Variants in AGBL1 observed in about 807,000 individuals in gnomAD.
AGBL1 encodes AGBL carboxypeptidase 1.
AGBL1 carries 130 observed loss-of-function variants against 118.9 expected under a neutral mutation model. The observed-to-expected ratio is 1.09, with a 90% CI of 0.95 to 1.26. The LOEUF is 1.26. Ranked by LOEUF, AGBL1 falls within the 50% of genes most tolerant of loss-of-function variation. The pLI is 0.00. For synonymous variants in AGBL1, 555 were observed against 478.9 expected (o/e 1.16, Z -2.08); for missense variants, 1,584 against 1,298.1 (o/e 1.22, Z -3.38).
chr15:86,897,338 C>T (rs184333123), intron 22 of AGBL1, among the ~76,000 whole-genome samples: 23 of 152,200 alleles, frequency 1.5e-4, no homozygotes, highest in Middle Eastern at 3.4e-3. Context: ...ATCATTCAGT[C>T]TATTCTTATT....
intron 17 of AGBL1, among the ~76,000 whole-genome samples, chr15:86,304,628 C>A (rs2079809377): frequency 6.6e-6 from 1 of 152,152 alleles, no homozygotes; most frequent in South Asian, 2.1e-4. Context: ...TTGCTCCTAG[C>A]CACCATGTAG....
chr15:86,154,276 G>A (rs2077157862), intron 3 of AGBL1, among the ~76,000 whole-genome samples, 154 bp from the exon 4 acceptor site: 1 of 152,072 alleles, frequency 6.6e-6, no homozygotes, highest in Non-Finnish European at 1.5e-5. Flanking sequence ...TTCTAGTGGG[G>A]ACATATTTAG....
At chr15:86,320,427 GA>G (rs2080087259) in intron 17 of AGBL1, among the ~76,000 whole-genome samples, 1 of 151,598 alleles carries the variant, frequency 6.6e-6, no homozygotes, top group Non-Finnish European at 1.5e-5. Flanking sequence ...TACTGGTATA[GA>G]AAAATGTGAT....
At chr15:86,878,669 C>T (rs2079848429) in intron 22 of AGBL1, among the ~76,000 whole-genome samples, 9 of 152,216 alleles carry the variant, frequency 5.9e-5, no homozygotes, top group Admixed American at 4.6e-4. Context: ...GATCTGTCCT[C>T]TACTGGACTT....
At chr15:86,346,134 C>T (rs2080532954) in intron 17 of AGBL1, among the ~76,000 whole-genome samples, 1 of 151,678 alleles carries the variant, frequency 6.6e-6, no homozygotes, top group East Asian at 2.0e-4. Context: ...AGGCGTGTGC[C>T]ACCATACCCA....
At chr15:86,772,791 A>G (rs1007700467) in intron 22 of AGBL1, among the ~76,000 whole-genome samples, 2 of 152,124 alleles carry the variant, frequency 1.3e-5, no homozygotes, top group Non-Finnish European at 2.9e-5. Flanking sequence ...TGATACGTAC[A>G]ATAAGCTGAG....
intron 23 of AGBL1, among the ~76,000 whole-genome samples, chr15:86,929,234 T>C (rs1238697576): frequency 6.6e-6 from 1 of 152,228 alleles, no homozygotes; most frequent in East Asian, 1.9e-4. Context: ...CTGATGTAAA[T>C]AGCAATAGTA....
intron 1 of AGBL1, among the ~76,000 whole-genome samples, chr15:86,129,988 T>C (rs531597258): frequency 1.3e-5 from 2 of 152,240 alleles, no homozygotes; most frequent in East Asian, 3.9e-4. Context: ...TACTCCTTCT[T>C]GGGAAATATG....
At chr15:86,382,107 G>A (rs1411243828) in intron 17 of AGBL1, among the ~76,000 whole-genome samples, 1 of 152,130 alleles carries the variant, frequency 6.6e-6, no homozygotes, top group Non-Finnish European at 1.5e-5. Flanking sequence ...GAGTTGACTA[G>A]AAGGGTGGCA....
At chr15:86,415,853 A>T (rs1239102209) in intron 18 of AGBL1, among the ~76,000 whole-genome samples, 1 of 152,176 alleles carries the variant, frequency 6.6e-6, no homozygotes, top group African/African-American at 2.4e-5. Flanking sequence ...TGCTCTTATA[A>T]ATGTTATGAT....
chr15:87,023,046 A>G lies in AGBL1; in HGVS notation c.3324-5779A>G, dbSNP rs967718707. Among the ~76,000 whole-genome samples the G allele has an allele frequency of 3.9e-5, 6 of 152,188 alleles. No homozygotes were observed. The South Asian group carries it at 1.2e-3, about 31-fold the overall frequency. On this transcript the variant is annotated intron_variant, in intron 24 of 24. Transcript: ENST00000441037. ...TAAATCTCACAGGACCTATAAAATA[A>G]AAATACCATTTAAAAAATGAAGTCA...
At chr15:86,680,391 C>T (rs2142566533) in intron 22 of AGBL1, among the ~76,000 whole-genome samples, 1 of 151,970 alleles carries the variant, frequency 6.6e-6, no homozygotes, top group Non-Finnish European at 1.5e-5. Flanking sequence ...CTTCCCTTTA[C>T]CTAGGAATTC....
At chr15:86,295,550 T>C in intron 17 of AGBL1, 142 bp downstream of exon 17, 1 of 787,860 alleles carries the variant, frequency 1.3e-6, no homozygotes, top group Non-Finnish European at 1.9e-6. Context: ...CCCCCAGCTT[T>C]TCTTGGTGTG....
At chr15:86,414,733 A>G (rs563213150) in intron 18 of AGBL1, among the ~76,000 whole-genome samples, 96 of 152,304 alleles carry the variant, frequency 6.3e-4, no homozygotes, top group African/African-American at 2.3e-3. Flanking sequence ...CACCTAAACT[A>G]TCTAGAGGAA....
Position 86,262,826 on chromosome 15 carries a change from C to A in AGBL1, c.1018C>A (p.Leu340Ile). The change falls in exon 10 of 23, where the codon CTT (leucine) becomes ATT (isoleucine). Residue 340 changes from leucine (L) to isoleucine (I), a missense_variant. By Grantham distance (5) the Leu-to-Ile change is conservative (BLOSUM62 2). Transcript: ENST00000614907. ...GAACAAGCTGAGTTCCAAACCTGGT[C>A]TTGACCGACCTGAAGAGGAACTGAT... ...DVNKLSSKPG[L>I]DRPEEELMQY... 6.2e-7 allele frequency: 1 copy of A among 1,611,274 alleles called. No individual in the cohort carries two copies. The highest frequency in any genetic ancestry group is 8.5e-7 in the Non-Finnish European group (1 of 1,178,790).
At chr15:86,191,348 C>CAAAAAAAAAAAAA (rs869108108) in intron 5 of AGBL1, among the ~76,000 whole-genome samples, 3 of 65,116 alleles carry the variant, frequency 4.6e-5, no homozygotes, top group African/African-American at 1.7e-4. Context: ...AACTTTGTCT[C>CAAAAAAAAAAAAA]AAAAAAAAAA....
At chr15:86,211,865 C>G (rs2078104679) in intron 5 of AGBL1, among the ~76,000 whole-genome samples, 2 of 152,264 alleles carry the variant, frequency 1.3e-5, no homozygotes, top group Non-Finnish European at 2.9e-5. Context: ...CCACCAGTCC[C>G]AATGAGATGA....
intron 18 of AGBL1, among the ~76,000 whole-genome samples, chr15:86,487,555 A>G (rs2082729072): frequency 7.8e-6 from 1 of 128,814 alleles, no homozygotes; most frequent in Admixed American, 7.2e-5. Flanking sequence ...AAAAATTTGA[A>G]AAGGCCCCCT....
At chr15:86,931,035 C>G (rs2080597525) in intron 23 of AGBL1, among the ~76,000 whole-genome samples, 1 of 152,178 alleles carries the variant, frequency 6.6e-6, no homozygotes. Flanking sequence ...GGACTGGACT[C>G]TGACTGCCTG....
Sources: gnomAD v4.1 joint callset for allele counts (sites outside exome capture counted in the v4.1 genomes callset) on GRCh38, gnomAD v4.1.1 for gene constraint, MANE v1.5 for transcripts, NCBI Gene and HGNC (gene_info 2026-07-23, HGNC 2026-07-21) for gene names.